Variants in AMPD3 observed in about 807,000 individuals in gnomAD.
The protein encoded by AMPD3 is adenosine monophosphate deaminase 3.
A neutral mutation model predicts 82.3 loss-of-function variants in AMPD3; 57 were observed. The ratio of observed to expected loss-of-function variants is 0.69; its 90% CI spans 0.56 to 0.86. The LOEUF (loss-of-function observed/expected upper bound fraction) is 0.86. AMPD3 is among the 40% of genes least tolerant of loss of function. The pLI, the probability that AMPD3 is intolerant of heterozygous loss-of-function variation, is 0.00. For missense variants in AMPD3, 870 were observed against 1,003.8 expected, an observed-to-expected ratio of 0.87 and a Z score of 1.80; for synonymous variants, 381 against 394.7, an observed-to-expected ratio of 0.97 and a Z score of 0.41.
intron 10 of AMPD3, chr11:10,497,644 G>T: frequency 1.0e-6 from 1 of 985,400 alleles, no homozygotes; most frequent in African/African-American, 1.7e-5. Flanking sequence ...TGGACAAGCT[G>T]AGGGACATCA....
rs1189254874 is a variant in AMPD3 at position 10,502,795 on chromosome 11, G to T, written c.1917G>T (p.Leu639Phe). The part of the protein sequence containing the change: ...IAMSPLSNNS[L>F]FLEYSKNPLR... The stretch of plus-strand genomic sequence containing the variant: ...TGTCTCCTCTTAGCAACAACAGTTT[G>T]TTCCTCGAATATTCCAAGAACCCTC... Residue 639 changes from leucine (L) to phenylalanine (F), a missense_variant, in exon 13 of 15, where the codon TTG becomes TTT. Transcript: ENST00000396553. 1.9e-6 allele frequency: 3 copies of T among 1,614,132 alleles called. No homozygotes were observed. Among genetic ancestry groups the T allele is most frequent in the Non-Finnish European group, 1.7e-6 (2 of 1,179,982 alleles).
intron 2 of AMPD3, among the ~76,000 whole-genome samples, chr11:10,474,531 T>A (rs1366150748): frequency 6.6e-6 from 1 of 152,112 alleles, no homozygotes; most frequent in Non-Finnish European, 1.5e-5. Flanking sequence ...GGGAGGGGAC[T>A]TAGTGACTGT....
At chr11:10,475,329 A>G (rs1195925014) in intron 2 of AMPD3, among the ~76,000 whole-genome samples, 3 of 152,102 alleles carry the variant, frequency 2.0e-5, no homozygotes, top group Non-Finnish European at 2.9e-5. Flanking sequence ...CCATGATCCA[A>G]TCACCTCCCA....
upstream of AMPD3, among the ~76,000 whole-genome samples, chr11:10,452,069 C>G (rs983561527): frequency 1.3e-5 from 2 of 152,096 alleles, no homozygotes; most frequent in African/African-American, 4.8e-5. Context: ...TAGGTGGTGG[C>G]TGGGAGACTC....
chr11:10,503,769 T>G (rs1849640939), intron 13 of AMPD3, among the ~76,000 whole-genome samples: 1 of 152,220 alleles, frequency 6.6e-6, no homozygotes, highest in South Asian at 2.1e-4. Flanking sequence ...GCAGGACTCT[T>G]CTAGCCACTT....
In AMPD3 at chr11:10,502,442, G is replaced by A. The variant is rs77910975; in HGVS notation, c.1843-279G>A. 509 of 985,212 alleles carry A rather than the reference G, an allele frequency of 5.2e-4. 3 individuals carry two copies. The African/African-American group carries it at 8.4e-3, about 16-fold the overall frequency. 61.0% of individuals were successfully genotyped at this position (985,212 alleles called of 1,614,324 possible). ...TGGAGTGGGCTGCCCTTCCTGCCCT[G>A]AGCCTTGCCTCCAGTTTGGAGCAAG... is the stretch of plus-strand genomic sequence containing the variant. On this transcript the variant is annotated intron_variant, in intron 12 of 14. Coordinates refer to ENST00000396553, the MANE Select transcript of AMPD3 (RefSeq NM_001025389.2).
Position 10,456,637 on chromosome 11 carries a change from A to G in AMPD3, c.-6+1189A>G. On this transcript the variant is annotated intron_variant, in intron 1 of 14. Coordinates refer to ENST00000396553, the MANE Select transcript of AMPD3 (RefSeq NM_001025389.2). The surrounding 1 kb of genome is among the most constrained non-coding windows in gnomAD (Gnocchi z 4.3). Reference sequence around the variant, plus strand: ...GTGAGATAAGCTGTATCATTGGCTGACTGATGCTGGTGAATTCACAGCTAA... The same window carrying G: ...GTGAGATAAGCTGTATCATTGGCTGGCTGATGCTGGTGAATTCACAGCTAA... The G allele has an allele frequency of 1.0e-6, 1 of 983,310 alleles. No homozygotes were observed. Among genetic ancestry groups the G allele is most frequent in the Non-Finnish European group, 1.2e-6 (1 of 827,994 alleles). The allele number at this position is 983,310 out of a possible 1,614,324, so 60.9% of individuals were successfully genotyped here. A position where few individuals can be genotyped will look rare whatever the true frequency, so the allele number is the denominator to read the frequency against.
intron 2 of AMPD3, 165 bp from the exon 3 acceptor site, chr11:10,478,361 T>A: frequency 1.0e-6 from 1 of 983,198 alleles, no homozygotes; most frequent in East Asian, 1.1e-4. Context: ...CAGGCAGACA[T>A]GTGTAAGAGG....
chr11:10,461,250 T>C (rs568971866), intron 1 of AMPD3: 1 of 1,353,354 alleles, frequency 7.4e-7, no homozygotes, highest in East Asian at 3.4e-5. Context: ...TTTGGGAAAA[T>C]GGAAGCCCAC....
intron 2 of AMPD3, among the ~76,000 whole-genome samples, chr11:10,476,250 CAG>C (rs1202746450): frequency 6.6e-6 from 1 of 152,184 alleles, no homozygotes; most frequent in Non-Finnish European, 1.5e-5. Flanking sequence ...CTTGTGCCTA[CAG>C]AGTCTGAGCT....
rs1322405117 is a variant in AMPD3, at chr11:10,495,649, A to G, written c.1346A>G (p.Glu449Gly). ...TCCATCTACGGCCGCAGTCCTGAGG[A>G]GTGGCCCAACCTGGCCTACTGGTTC... ...RLSIYGRSPE[E>G]WPNLAYWFIQ... is the part of the protein sequence containing the mutation. The change falls in exon 9 of 15, where the codon GAG becomes GGG. Residue 449 changes from glutamate (E) to glycine (G), a missense_variant. Glu to Gly is a moderately conservative substitution (Grantham distance 98). Coordinates refer to ENST00000396553, the MANE Select transcript of AMPD3 (RefSeq NM_001025389.2). The G allele has an allele frequency of 6.2e-7, 1 of 1,614,106 alleles. No individual in the cohort carries two copies. Among genetic ancestry groups the G allele is most frequent in the Non-Finnish European group, 8.5e-7 (1 of 1,180,020 alleles).
chr11:10,450,857 T>C (rs2133795607), upstream of AMPD3: 1 of 1,203,978 alleles, frequency 8.3e-7, no homozygotes, highest in South Asian at 4.0e-5. Flanking sequence ...TGGCCGGGGA[T>C]CCGCAGCGCT....
At chr11:10,462,080 T>A (rs529744261) in intron 2 of AMPD3, among the ~76,000 whole-genome samples, 2 of 152,332 alleles carry the variant, frequency 1.3e-5, no homozygotes, top group East Asian at 3.9e-4. Flanking sequence ...GCATTACTAA[T>A]GAACACAGCT....
upstream of AMPD3, chr11:10,450,520 G>C (rs1032211097): frequency 8.2e-5 from 81 of 986,026 alleles, no homozygotes; most frequent in Non-Finnish European, 9.5e-5. Flanking sequence ...CGTCGGGCAA[G>C]CCCGGGCGGC....
Position 10,456,468 on chromosome 11 carries a change from AG to A in AMPD3, c.-6+1024del. 1 of 1,613,642 alleles carries A rather than the reference AG, an allele frequency of 6.2e-7. No homozygotes were observed. The highest frequency in any genetic ancestry group is 8.5e-7 in the Non-Finnish European group (1 of 1,179,612). On this transcript the variant is annotated intron_variant, in intron 1 of 14. Coordinates refer to ENST00000396553, the MANE Select transcript of AMPD3 (RefSeq NM_001025389.2). This position sits in a 1 kb window ranked among gnomAD's most constrained non-coding sequence, Gnocchi z 4.3. ...AGGAACCAGCTTCCTTCGTATAACGAGGGGATTTCAGTGGCACTGGGCTTCC... is the reference window on the plus strand; with the variant it reads ...AGGAACCAGCTTCCTTCGTATAACGAGGGATTTCAGTGGCACTGGGCTTCC...
chr11:10,472,025 C>G (rs1848606817), intron 2 of AMPD3, among the ~76,000 whole-genome samples: 1 of 152,144 alleles, frequency 6.6e-6, no homozygotes, highest in South Asian at 2.1e-4. Context: ...TCCACAATAG[C>G]AAAGACTTGG....
intron 3 of AMPD3, among the ~76,000 whole-genome samples, chr11:10,480,418 C>T (rs1283686241): frequency 2.0e-5 from 3 of 150,026 alleles, no homozygotes; most frequent in African/African-American, 4.8e-5. Flanking sequence ...AGAAGCCATC[C>T]ACTGGAAGAT....
Position 10,488,500 on chromosome 11 carries a change from C to T in AMPD3, c.939+1136C>T, listed in dbSNP as rs537988568. 1.5e-4 allele frequency: 131 copies of T among 867,970 alleles called. 3 individuals are homozygous for T. In the South Asian group the frequency reaches 5.9e-3, roughly 39 times the overall value. 53.8% of individuals were successfully genotyped at this position (867,970 alleles called of 1,614,324 possible). A position where few individuals can be genotyped will look rare whatever the true frequency, so the allele number is the denominator to read the frequency against. On this transcript the variant is annotated intron_variant, in intron 6 of 14. Coordinates refer to ENST00000396553, the MANE Select transcript of AMPD3 (RefSeq NM_001025389.2). ...CGAGAGAGTCAGAACAGTGTGTTGACATAACTGCAAGCAGTGTGGTGTGGT... is the reference window on the plus strand; with the variant it reads ...CGAGAGAGTCAGAACAGTGTGTTGATATAACTGCAAGCAGTGTGGTGTGGT...
chr11:10,502,581 A>C lies in AMPD3; in HGVS notation c.1843-140A>C. 4 of 1,588,314 alleles carry C rather than the reference A, an allele frequency of 2.5e-6. No individual in the cohort carries two copies. The African/African-American group carries it at 5.4e-5, about 21-fold the overall frequency. The stretch of plus-strand genomic sequence containing the variant: ...GGTCTGAGTGTCCTGGCTTCGAGGA[A>C]CTCGGGTTGAGGACTTGGGCAGACA... On this transcript the variant is annotated intron_variant, in intron 12 of 14. Coordinates refer to ENST00000396553, the MANE Select transcript of AMPD3 (RefSeq NM_001025389.2).
Sources: allele counts gnomAD v4.1 joint callset (sites outside exome capture counted in the v4.1 genomes callset), GRCh38; gene constraint gnomAD v4.1.1; non-coding constraint Gnocchi (gnomAD v3.1); transcripts MANE v1.5; gene names NCBI Gene and HGNC (gene_info 2026-07-23, HGNC 2026-07-21).